The following PTPRR variants were observed in gnomAD, a reference collection of about 807,000 sequenced individuals.
PTPRR encodes the protein receptor-type tyrosine-protein phosphatase R.
Under a neutral mutation model 77.2 loss-of-function variants are expected in PTPRR, and 38 were observed. The observed-to-expected ratio is 0.49, with a 90% CI of 0.38 to 0.65. PTPRR has a LOEUF of 0.65. Ranked by LOEUF, PTPRR falls within the 30% of genes least tolerant of loss-of-function variation. The probability of loss-of-function intolerance (pLI) is 0.00; values close to 1 mark genes in which losing one functional copy is unlikely to be tolerated. For missense variants in PTPRR, 744 were observed against 799.2 expected (o/e 0.93, Z 0.83); for synonymous variants, 299 against 283.1 (o/e 1.06, Z -0.57).
chr12:70,743,678 G>A (rs746294369), intron 6 of PTPRR, among the ~76,000 whole-genome samples: 1 of 152,104 alleles, frequency 6.6e-6, no homozygotes, highest in African/African-American at 2.4e-5. Context: ...AGGGGACAGA[G>A]GATCTATTTA....
intron 2 of PTPRR, among the ~76,000 whole-genome samples, chr12:70,798,858 T>G (rs552182665): frequency 6.6e-6 from 1 of 152,112 alleles, no homozygotes; most frequent in East Asian, 1.9e-4. Context: ...TGTCTCAATG[T>G]TAGCTCTTTG....
chr12:70,660,178 TAATAAATAAATAAATA>T lies in PTPRR; in HGVS notation c.1766+746_1766+761del, dbSNP rs57676991. 2.7e-3 allele frequency among the ~76,000 whole-genome samples: 374 copies of T among 141,048 alleles called. 3 individuals are homozygous for T. Among genetic ancestry groups the T allele is most frequent in the African/African-American group, 9.1e-3 (357 of 39,124 alleles). 92.5% of individuals were successfully genotyped at this position (141,048 alleles called of 152,430 possible). ...GGTGATAGAGTGAGACTCTGTCTCA[TAATAAATAAATAAATA>T]AATAAATAAATAAATAAATAGTTGT... On this transcript the variant is annotated intron_variant, in intron 12 of 13. Coordinates refer to ENST00000283228, the MANE Select transcript of PTPRR (RefSeq NM_002849.4).
At chr12:70,827,590 G>A (rs937403408) in intron 2 of PTPRR, among the ~76,000 whole-genome samples, 1 of 150,954 alleles carries the variant, frequency 6.6e-6, no homozygotes, top group African/African-American at 2.4e-5. Flanking sequence ...ATGTTACCCA[G>A]GCTGGAGGGC....
intron 10 of PTPRR, among the ~76,000 whole-genome samples, chr12:70,663,030 G>T (rs1886852768): frequency 6.6e-6 from 1 of 152,128 alleles, no homozygotes; most frequent in Non-Finnish European, 1.5e-5. Context: ...ATTGAGGAAA[G>T]TTACATTTTC....
intron 8 of PTPRR, among the ~76,000 whole-genome samples, chr12:70,696,264 T>G (rs1261297051): frequency 1.3e-5 from 2 of 152,166 alleles, no homozygotes; most frequent in Non-Finnish European, 2.9e-5. Flanking sequence ...GTATCTTTAT[T>G]CTGGCCTATG....
At chr12:70,707,348 C>T (rs984074614) in intron 6 of PTPRR, among the ~76,000 whole-genome samples, 7 of 151,744 alleles carry the variant, frequency 4.6e-5, no homozygotes, top group African/African-American at 1.7e-4. Flanking sequence ...GATTTTTATT[C>T]AATATATTCT....
In PTPRR at chr12:70,662,624, A is replaced by G; in HGVS notation, c.1498-19T>C. The G allele has an allele frequency of 7.0e-7, 1 of 1,428,866 alleles. No homozygotes were observed. Among genetic ancestry groups the G allele is most frequent in the Admixed American group, 1.8e-5 (1 of 55,658 alleles). The allele number at this position is 1,428,866 out of a possible 1,614,324, so 88.5% of individuals were successfully genotyped here. The stretch of plus-strand genomic sequence containing the variant: ...CACATTTCTGGAGGAAGGGAAAGAG[A>G]ATACAGCAAATATTAATGGCTTTTA... On this transcript the variant is annotated intron_variant, in intron 10 of 13. Coordinates refer to ENST00000283228, the MANE Select transcript of PTPRR (RefSeq NM_002849.4).
intron 2 of PTPRR, among the ~76,000 whole-genome samples, chr12:70,798,410 AT>A (rs936756398): frequency 1.3e-5 from 2 of 152,212 alleles, no homozygotes; most frequent in African/African-American, 4.8e-5. Context: ...TATTTTAAAA[AT>A]ATACACGAGA....
At chr12:70,676,516 C>T (rs949588705) in intron 10 of PTPRR, among the ~76,000 whole-genome samples, 6 of 151,758 alleles carry the variant, frequency 4.0e-5, no homozygotes, top group Admixed American at 2.6e-4. Context: ...TTATTGGTTG[C>T]TTGTATGCCT....
At chr12:70,809,824 A>C (rs1891778168) in intron 2 of PTPRR, among the ~76,000 whole-genome samples, 1 of 152,172 alleles carries the variant, frequency 6.6e-6, no homozygotes, top group African/African-American at 2.4e-5. Flanking sequence ...CATGACCACT[A>C]AATAAACATT....
intron 8 of PTPRR, among the ~76,000 whole-genome samples, chr12:70,693,876 T>C (rs1178548858): frequency 6.6e-6 from 1 of 152,124 alleles, no homozygotes; most frequent in Non-Finnish European, 1.5e-5. Context: ...AGGTTAGAAA[T>C]GGATTCATCT....
chr12:70,717,483 CA>C, intron 6 of PTPRR, among the ~76,000 whole-genome samples: 1 of 152,108 alleles, frequency 6.6e-6, no homozygotes, highest in East Asian at 1.9e-4. Context: ...AAGACTCTAA[CA>C]AAGGATTACA....
At chr12:70,912,804 T>G (rs898246685) in intron 1 of PTPRR, among the ~76,000 whole-genome samples, 1 of 152,174 alleles carries the variant, frequency 6.6e-6, no homozygotes, top group Non-Finnish European at 1.5e-5. Flanking sequence ...ATATGGTACA[T>G]AAGCATTAGG....
chr12:70,744,977 G>A (rs1223691905), intron 6 of PTPRR, among the ~76,000 whole-genome samples: 3 of 152,082 alleles, frequency 2.0e-5, no homozygotes, highest in African/African-American at 7.2e-5. Flanking sequence ...TTCTTACATT[G>A]GATTTGCGTT....
intron 2 of PTPRR, among the ~76,000 whole-genome samples, chr12:70,884,132 G>C (rs1002484969): frequency 6.6e-6 from 1 of 152,126 alleles, no homozygotes; most frequent in Admixed American, 6.5e-5. Context: ...GGGACTTTTA[G>C]CTTTTGTATT....
intron 8 of PTPRR, among the ~76,000 whole-genome samples, chr12:70,693,108 C>T (rs1029406384): frequency 1.3e-5 from 2 of 152,128 alleles, no homozygotes; most frequent in African/African-American, 4.8e-5. Flanking sequence ...CCATAAACAT[C>T]CTACACCATT....
At chr12:70,703,850 C>T (rs940916663) in intron 6 of PTPRR, among the ~76,000 whole-genome samples, 1 of 152,082 alleles carries the variant, frequency 6.6e-6, no homozygotes, top group Non-Finnish European at 1.5e-5. Context: ...GGTGAGATCT[C>T]TTCCATCTGG....
At chr12:70,804,489 G>T (rs1359905182) in intron 2 of PTPRR, among the ~76,000 whole-genome samples, 1 of 151,924 alleles carries the variant, frequency 6.6e-6, no homozygotes, top group African/African-American at 2.4e-5. Context: ...AGCCTGGGAG[G>T]TTGATGCTGC....
At chr12:70,839,972 G>A (rs1892368523) in intron 2 of PTPRR, among the ~76,000 whole-genome samples, 1 of 152,172 alleles carries the variant, frequency 6.6e-6, no homozygotes, top group Admixed American at 6.6e-5. Flanking sequence ...TTCAAAACAT[G>A]AATTAAGTAA....
Sources: allele counts gnomAD v4.1 joint callset (sites outside exome capture counted in the v4.1 genomes callset), GRCh38; gene constraint gnomAD v4.1.1; transcripts MANE v1.5; gene names NCBI Gene and HGNC (gene_info 2026-07-23, HGNC 2026-07-21).